The following SEC61A2 variants were observed in gnomAD, a reference collection of about 807,000 sequenced individuals.
The protein encoded by SEC61A2 is SEC61 translocon subunit alpha 2.
SEC61A2 carries 28 observed loss-of-function variants against 59.9 expected under a neutral mutation model. The observed-to-expected ratio is 0.47, with a 90% CI of 0.35 to 0.64. The LOEUF (loss-of-function observed/expected upper bound fraction) is 0.64. Among genes scored for constraint, SEC61A2 ranks in the 30% least tolerant of loss-of-function variants. The probability of loss-of-function intolerance (pLI) is 0.01; values close to 1 mark genes in which losing one functional copy is unlikely to be tolerated. For missense variants in SEC61A2, 340 were observed against 585.9 expected (o/e 0.58, Z 4.33); for synonymous variants, 202 against 214.4 (o/e 0.94, Z 0.50).
Position 12,155,951 on chromosome 10 carries a change from C to A in SEC61A2, c.616+20C>A. The A allele has an allele frequency of 6.2e-7, 1 of 1,613,700 alleles. No homozygotes were observed. Among genetic ancestry groups the A allele is most frequent in the Non-Finnish European group, 8.5e-7 (1 of 1,179,618 alleles). ...GCAGAGGTACATCGCACAGCGACTG[C>A]AACTGCACGCGTTTTGCTGGATGTG... On this transcript the variant is annotated intron_variant, in intron 7 of 11. Transcript: ENST00000298428. The surrounding 1 kb of genome is among the most constrained non-coding windows in gnomAD (Gnocchi z 4.3).
At chr10:12,166,923 C>G (rs1350228665), downstream of SEC61A2, 2 of 290,388 alleles carry the variant, frequency 6.9e-6, no homozygotes, top group African/African-American at 4.5e-5. Flanking sequence ...TGGTTCTGTT[C>G]ATGGTTTAAC....
rs1834637958 is a variant in SEC61A2, at chr10:12,165,201, T to C, written c.*747T>C. On this transcript the variant is annotated 3_prime_UTR_variant, in exon 12 of 12. Transcript: ENST00000298428. ...TTCAAGATTCTGGGCCCCGATTCTT[T>C]TCTGTTTAAATCCCTAAAGCAAAGA... The C allele has an allele frequency of 1.0e-6, 1 of 985,458 alleles. No individual in the cohort carries two copies. The highest frequency in any genetic ancestry group is 1.2e-6 in the Non-Finnish European group (1 of 829,920). The allele number at this position is 985,458 out of a possible 1,614,324, so 61.0% of individuals were successfully genotyped here.
intron 2 of SEC61A2, among the ~76,000 whole-genome samples, chr10:12,133,762 C>A (rs1459411975): frequency 1.3e-5 from 2 of 151,984 alleles, no homozygotes; most frequent in East Asian, 3.9e-4. Context: ...TTTCTTGATT[C>A]ATTCGTTGGA....
At chr10:12,169,197 G>C, downstream of SEC61A2, 2 of 1,118,566 alleles carry the variant, frequency 1.8e-6, no homozygotes, top group East Asian at 2.6e-5. The surrounding 1 kb of genome is among the most constrained non-coding windows in gnomAD (Gnocchi z 4.8). Context: ...CTCCTTTATA[G>C]CCATAGTAGC....
chr10:12,148,365 C>A (rs1052833890), intron 4 of SEC61A2, among the ~76,000 whole-genome samples: 3 of 151,870 alleles, frequency 2.0e-5, no homozygotes, highest in African/African-American at 7.3e-5. Flanking sequence ...CCTGCCTCAG[C>A]CTCCCAAGTA....
chr10:12,131,472 G>T (rs1047753014), intron 1 of SEC61A2, among the ~76,000 whole-genome samples: 3 of 152,054 alleles, frequency 2.0e-5, no homozygotes, highest in Admixed American at 2.0e-4. Context: ...CTTAAGCCGT[G>T]CCAGAAGACA....
intron 4 of SEC61A2, among the ~76,000 whole-genome samples, chr10:12,147,939 C>G (rs929350947): frequency 2.1e-5 from 3 of 142,352 alleles, no homozygotes; most frequent in African/African-American, 7.7e-5. Context: ...TATCTAATAT[C>G]TTTTTTTTTT....
chr10:12,155,307 A>G lies in SEC61A2; in HGVS notation c.463-471A>G, dbSNP rs527505974. The G allele has an allele frequency of 9.7e-6, 15 of 1,544,484 alleles. No homozygotes were observed. The East Asian group carries it at 2.1e-4, about 21-fold the overall frequency. On this transcript the variant is annotated intron_variant, in intron 6 of 11. Transcript: ENST00000298428. The surrounding 1 kb of genome is among the most constrained non-coding windows in gnomAD (Gnocchi z 4.3). ...ATATAATATATATAATGCTTTTTTC[A>G]AAGGATCAACACAGCCCTTAGACTT...
At chr10:12,167,845 C>T (rs1220689516), downstream of SEC61A2, 2 of 1,610,964 alleles carry the variant, frequency 1.2e-6, no homozygotes, top group Admixed American at 1.7e-5. Context: ...TTAGATCATG[C>T]CGTTAAGGAA....
intron 6 of SEC61A2, among the ~76,000 whole-genome samples, chr10:12,150,855 G>A (rs889548577): frequency 6.6e-6 from 1 of 150,998 alleles, no homozygotes; most frequent in Non-Finnish European, 1.5e-5. Context: ...GCTCACTGCA[G>A]CCTCTGTCTC....
chr10:12,167,682 G>A, downstream of SEC61A2: 23 of 1,610,636 alleles, frequency 1.4e-5, no homozygotes, highest in Non-Finnish European at 1.9e-5. Context: ...TTACAAAAAT[G>A]GCCAGTGTCA....
Position 12,155,292 on chromosome 10 carries a change from T to C in SEC61A2, c.463-486T>C, listed in dbSNP as rs1314077393. ...ATAGAGTATACATATATATAATATA[T>C]ATAATGCTTTTTTCAAAGGATCAAC... is the stretch of plus-strand genomic sequence containing the variant. On this transcript the variant is annotated intron_variant, in intron 6 of 11. Coordinates refer to ENST00000298428, the MANE Select transcript of SEC61A2 (RefSeq NM_018144.4). This position sits in a 1 kb window ranked among gnomAD's most constrained non-coding sequence, Gnocchi z 4.3. 6.0e-6 allele frequency: 9 copies of C among 1,489,038 alleles called. No individual in the cohort carries two copies. Among genetic ancestry groups the C allele is most frequent in the South Asian group, 1.3e-5 (1 of 77,450 alleles). 92.2% of individuals were successfully genotyped at this position (1,489,038 alleles called of 1,614,324 possible). A position where few individuals can be genotyped will look rare whatever the true frequency, so the allele number is the denominator to read the frequency against.
rs1834287283 is a variant in SEC61A2, at chr10:12,152,088, G to C, written c.462+2127G>C. On this transcript the variant is annotated intron_variant, in intron 6 of 11. Coordinates refer to ENST00000298428, the MANE Select transcript of SEC61A2 (RefSeq NM_018144.4). This position sits in a 1 kb window ranked among gnomAD's most constrained non-coding sequence, Gnocchi z 5.5. ...CTGTTTTGTCATTTGACCAGGGCAG[G>C]AATTTTTTTTTTCGAGACGGAGTCC... Among the ~76,000 whole-genome samples, 1 of 151,966 alleles carries C rather than the reference G, an allele frequency of 6.6e-6. No homozygotes were observed. Among genetic ancestry groups the C allele is most frequent in the Non-Finnish European group, 1.5e-5 (1 of 67,982 alleles).
Position 12,153,842 on chromosome 10 carries a change from G to T in SEC61A2, c.463-1936G>T. 6.4e-7 allele frequency: 1 copy of T among 1,570,220 alleles called. No individual in the cohort carries two copies. The highest frequency in any genetic ancestry group is 8.6e-7 in the Non-Finnish European group (1 of 1,156,718). On this transcript the variant is annotated intron_variant, in intron 6 of 11. Coordinates refer to ENST00000298428, the MANE Select transcript of SEC61A2 (RefSeq NM_018144.4). The surrounding 1 kb of genome is among the most constrained non-coding windows in gnomAD (Gnocchi z 5.2). ...TTGAAAACTGTTTGCATGCCGTTGT[G>T]GAAGGTATTTCTCACCTTATTTGTT...
At chr10:12,146,508 T>C (rs1834140292) in intron 4 of SEC61A2, among the ~76,000 whole-genome samples, 1 of 151,894 alleles carries the variant, frequency 6.6e-6, no homozygotes, top group Non-Finnish European at 1.5e-5. Flanking sequence ...AATTGTTTTT[T>C]TCCTTTTTTT....
downstream of SEC61A2, chr10:12,166,373 A>G (rs1834693260): frequency 1.9e-5 from 3 of 158,368 alleles, no homozygotes. Context: ...GGCATAGGGG[A>G]AGGCTACCAT....
rs1043438154 is a variant in SEC61A2, at chr10:12,164,803, A to G, written c.*349A>G. On this transcript the variant is annotated 3_prime_UTR_variant, in exon 12 of 12. Transcript: ENST00000298428. This position sits in a 1 kb window ranked among gnomAD's most constrained non-coding sequence, Gnocchi z 7.3. ...CACTTCATATTGCCCCCACTTGTTGAAAAATAAATGTAGTTCAAATTGCCA... is the reference window on the plus strand; with the variant it reads ...CACTTCATATTGCCCCCACTTGTTGGAAAATAAATGTAGTTCAAATTGCCA... The G allele has an allele frequency of 9.7e-7, 1 of 1,028,790 alleles. No homozygotes were observed. Among genetic ancestry groups the G allele is most frequent in the Non-Finnish European group, 1.2e-6 (1 of 858,326 alleles). 63.7% of individuals were successfully genotyped at this position (1,028,790 alleles called of 1,614,324 possible). A position where few individuals can be genotyped will look rare whatever the true frequency, so the allele number is the denominator to read the frequency against.
In SEC61A2 at chr10:12,162,183, G is replaced by A; in HGVS notation, c.1168-30G>A. 6.3e-7 allele frequency: 1 copy of A among 1,593,140 alleles called. No individual in the cohort carries two copies. The highest frequency in any genetic ancestry group is 8.6e-7 in the Non-Finnish European group (1 of 1,161,376). The stretch of plus-strand genomic sequence containing the variant: ...ATGTAAGCAGTGAAATGTTCCAGTT[G>A]GATTTTGAAAGTCGTTTTTCTCTCG... On this transcript the variant is annotated intron_variant, in intron 10 of 11. Transcript: ENST00000298428. The surrounding 1 kb of genome is among the most constrained non-coding windows in gnomAD (Gnocchi z 6.1).
In SEC61A2 at chr10:12,138,174, A is replaced by G. The variant is rs534342092; in HGVS notation, c.141+2004A>G. ...CATAATCTGGAGAAAACCTAACTAT[A>G]TTTTCTTTCTGAAGGATGAAATGAT... On this transcript the variant is annotated intron_variant, in intron 3 of 11. Transcript: ENST00000298428. Among the ~76,000 whole-genome samples the G allele has an allele frequency of 2.0e-5, 3 of 152,238 alleles. No individual in the cohort carries two copies. In the East Asian group the frequency reaches 5.8e-4, roughly 29 times the overall value.
Sources: allele counts gnomAD v4.1 joint callset (sites outside exome capture counted in the v4.1 genomes callset), GRCh38; gene constraint gnomAD v4.1.1; non-coding constraint Gnocchi (gnomAD v3.1); transcripts MANE v1.5; gene names NCBI Gene and HGNC (gene_info 2026-07-23, HGNC 2026-07-21).